IL2RB: variants seen among roughly 807,000 people sequenced by gnomAD.
The protein encoded by IL2RB is interleukin-2 receptor subunit beta.
In IL2RB, 17 loss-of-function variants were observed where a neutral mutation model predicts 44.2. The ratio of observed to expected loss-of-function variants is 0.38; its 90% CI spans 0.26 to 0.58. IL2RB has a LOEUF of 0.58. IL2RB is among the 20% of genes least tolerant of loss of function. The pLI, the probability that IL2RB is intolerant of heterozygous loss-of-function variation, is 0.63. For synonymous variants in IL2RB, 286 were observed against 297.9 expected (o/e 0.96, Z 0.41); for missense variants, 624 against 685.5 (o/e 0.91, Z 1.00).
intron 1 of IL2RB, among the ~76,000 whole-genome samples, chr22:37,165,585 A>G (rs988758443): frequency 3.3e-5 from 5 of 152,238 alleles, no homozygotes; most frequent in South Asian, 4.1e-4. Context: ...AACGAATGCA[A>G]TATAATCACA....
intron 2 of IL2RB, 82 bp from the exon 3 acceptor site, chr22:37,143,717 C>G: frequency 1.0e-6 from 1 of 962,622 alleles, no homozygotes; most frequent in Non-Finnish European, 1.7e-6. Flanking sequence ...CTGCACCTGG[C>G]ACCCACACCT....
chr22:37,148,803 G>C (rs1922349501), intron 1 of IL2RB, among the ~76,000 whole-genome samples: 1 of 152,092 alleles, frequency 6.6e-6, no homozygotes, highest in African/African-American at 2.4e-5. Context: ...TTTGAACCTG[G>C]TCAGGTGCAG....
intron 1 of IL2RB, among the ~76,000 whole-genome samples, chr22:37,174,017 C>A (rs1013860131): frequency 2.0e-5 from 3 of 152,178 alleles, no homozygotes; most frequent in Admixed American, 6.5e-5. Context: ...TTCTCCCCAC[C>A]CCACCCCAAC....
chr22:37,128,479 C>T lies in IL2RB; in HGVS notation c.1273G>A (p.Asp425Asn), dbSNP rs756774235. 2 of 1,596,470 alleles carry T rather than the reference C, an allele frequency of 1.3e-6. No individual in the cohort carries two copies. The highest frequency in any genetic ancestry group is 1.7e-6 in the Non-Finnish European group (2 of 1,168,776). ...CTGGGGGAGAAGAGCAGCAGGTCAT[C>T]CCTGGAGGGGAAGGTGCAGTAGGCG... ...DDAYCTFPSR[D>N]DLLLFSPSLL... The change falls in exon 10 of 10, where the codon GAT (aspartate) becomes AAT (asparagine). Residue 425 changes from aspartate (D) to asparagine (N), a missense_variant. By Grantham distance (23) the Asp-to-Asn change is conservative (BLOSUM62 1). This residue lies in a region of IL2RB where 291 missense variants were observed against 275.5 expected (regional missense o/e 1.06). Coordinates refer to ENST00000216223, the MANE Select transcript of IL2RB (RefSeq NM_000878.5). This position sits in a 1 kb window ranked among gnomAD's most constrained non-coding sequence, Gnocchi z 4.5.
At chr22:37,139,004 T>C (rs1921833527) in intron 5 of IL2RB, 113 bp downstream of exon 5, 1 of 700,482 alleles carries the variant, frequency 1.4e-6, no homozygotes, top group Admixed American at 2.2e-5. Flanking sequence ...GGTGATCAGA[T>C]GTGGGTGTGG....
At position 37,126,869 on chromosome 22, in the gene IL2RB, G is replaced by A. The variant is rs1921141154; in HGVS notation, c.*1227C>T. 1 of 152,314 alleles carries A rather than the reference G, an allele frequency of 6.6e-6. No individual in the cohort carries two copies. The highest frequency in any genetic ancestry group is 1.5e-5 in the Non-Finnish European group (1 of 68,108). The allele number at this position is 152,314 out of a possible 1,614,324, so 9.4% of individuals were successfully genotyped here. A position where few individuals can be genotyped will look rare whatever the true frequency, so the allele number is the denominator to read the frequency against. On this transcript the variant is annotated 3_prime_UTR_variant, in exon 10 of 10. Transcript: ENST00000216223. ...TCTCTGTGTGAATGTCAGGCGCAGGGAGCCCAGACGAGGTGGTGCCAGGTA... is the reference window on the plus strand; with the variant it reads ...TCTCTGTGTGAATGTCAGGCGCAGGAAGCCCAGACGAGGTGGTGCCAGGTA...
chr22:37,139,015 A>T, intron 5 of IL2RB, 102 bp downstream of exon 5: 1 of 750,290 alleles, frequency 1.3e-6, no homozygotes, highest in Non-Finnish European at 2.3e-6. Context: ...GTGGGTGTGG[A>T]AGCTGCCGGG....
At chr22:37,155,779 C>T (rs1354206430) in intron 1 of IL2RB, among the ~76,000 whole-genome samples, 1 of 152,082 alleles carries the variant, frequency 6.6e-6, no homozygotes, top group African/African-American at 2.4e-5. Context: ...GAGCTCCACG[C>T]CTTGCTCCTA....
At position 37,128,421 on chromosome 22, in the gene IL2RB, G is replaced by A; in HGVS notation, c.1331C>T (p.Ala444Val). The change falls in exon 10 of 10, where the codon GCC (alanine) becomes GTC (valine). Residue 444 changes from alanine (A) to valine (V), a missense_variant. Physicochemically the swap from Ala to Val is moderately conservative, Grantham distance 64. Around this residue, in one of 3 missense-constraint regions of IL2RB, gnomAD observed 291 missense variants for 275.5 expected, o/e 1.06. Coordinates refer to ENST00000216223, the MANE Select transcript of IL2RB (RefSeq NM_000878.5). This position sits in a 1 kb window ranked among gnomAD's most constrained non-coding sequence, Gnocchi z 4.5. The stretch of plus-strand genomic sequence containing the variant: ...TTCACCGGCCCCACTGCCCCCAGGG[G>A]CAGTGCTTGGGGGGCTGGGGCCACC... ...LLGGPSPPST[A>V]PGGSGAGEER... The A allele has an allele frequency of 6.6e-7, 1 of 1,522,470 alleles. No individual in the cohort carries two copies. The highest frequency in any genetic ancestry group is 1.4e-5 in the African/African-American group (1 of 72,092). 94.3% of individuals were successfully genotyped at this position (1,522,470 alleles called of 1,614,324 possible).
chr22:37,155,770 A>AGGCTCCACGCC (rs11397779), intron 1 of IL2RB, among the ~76,000 whole-genome samples: 8 of 152,206 alleles, frequency 5.3e-5, no homozygotes, highest in Non-Finnish European at 1.0e-4. Flanking sequence ...CTCCTCCACG[A>AGGCTCCACGCC]GCTCCACGCC....
chr22:37,155,657 C>A (rs965930521), intron 1 of IL2RB, among the ~76,000 whole-genome samples: 1 of 152,256 alleles, frequency 6.6e-6, no homozygotes, highest in African/African-American at 2.4e-5. Context: ...TCTGAGGCAA[C>A]CTGAGATGTA....
chr22:37,157,375 C>A (rs375979348), intron 1 of IL2RB, among the ~76,000 whole-genome samples: 3 of 152,190 alleles, frequency 2.0e-5, no homozygotes, highest in Admixed American at 1.3e-4. Context: ...ACAGCAGCCA[C>A]CTCCACGCCA....
chr22:37,159,792 G>C (rs16997833), intron 1 of IL2RB, among the ~76,000 whole-genome samples: 6,847 of 152,312 alleles, frequency 0.045, 488 homozygotes, highest in African/African-American at 0.16. Flanking sequence ...TGCCTGACCA[G>C]TGACAAGGAT....
chr22:37,129,402 G>C lies in IL2RB; in HGVS notation c.904-554C>G, dbSNP rs891839544. ...TACACTGTGGTGGGAACGTCTCTTG[G>C]GGGAGCTGATGGTTTCCTGATTCAC... On this transcript the variant is annotated intron_variant, in intron 9 of 9. Transcript: ENST00000216223. Among the ~76,000 whole-genome samples the C allele has an allele frequency of 2.6e-5, 4 of 152,174 alleles. No homozygotes were observed. In the South Asian group the frequency reaches 6.2e-4, roughly 24 times the overall value.
At chr22:37,133,291 G>T (rs1921520351) in intron 8 of IL2RB, among the ~76,000 whole-genome samples, 1 of 152,196 alleles carries the variant, frequency 6.6e-6, no homozygotes, top group South Asian at 2.1e-4. Flanking sequence ...CCTGCAGGGA[G>T]CTGTGGGCGG....
intron 4 of IL2RB, among the ~76,000 whole-genome samples, chr22:37,139,925 T>A (rs995239390): frequency 2.0e-5 from 3 of 152,208 alleles, no homozygotes; most frequent in Admixed American, 2.0e-4. Context: ...ACCCAGGCCC[T>A]CTGTGTCCCC....
intron 1 of IL2RB, among the ~76,000 whole-genome samples, chr22:37,160,036 T>A (rs1175273622): frequency 2.6e-5 from 4 of 152,260 alleles, no homozygotes; most frequent in Non-Finnish European, 5.9e-5. Flanking sequence ...AAAGACCTCC[T>A]TGAGTAAATA....
intron 1 of IL2RB, among the ~76,000 whole-genome samples, chr22:37,148,174 C>T (rs1224302357): frequency 2.0e-5 from 3 of 151,902 alleles, no homozygotes; most frequent in Non-Finnish European, 2.9e-5. Flanking sequence ...TGCTTCCCGC[C>T]GCCTGGAGCT....
At chr22:37,143,396 A>G (rs2146244623) in intron 3 of IL2RB, 125 bp downstream of exon 3, 1 of 647,790 alleles carries the variant, frequency 1.5e-6, no homozygotes. Flanking sequence ...CCTGTGATTC[A>G]AAAAGTCTGT....
Sources: allele counts gnomAD v4.1 joint callset (sites outside exome capture counted in the v4.1 genomes callset), GRCh38; gene constraint gnomAD v4.1.1; regional missense constraint gnomAD v4.1.1; non-coding constraint Gnocchi (gnomAD v3.1); transcripts MANE v1.5; gene names NCBI Gene and HGNC (gene_info 2026-07-23, HGNC 2026-07-21).